The following CPQ variants were observed in gnomAD, a reference collection of about 807,000 sequenced individuals.
CPQ encodes Ser-Met dipeptidase.
CPQ carries 37 observed loss-of-function variants against 45.7 expected under a neutral mutation model. That is an observed-to-expected ratio of 0.81 (90% CI 0.62 to 1.07). The LOEUF (loss-of-function observed/expected upper bound fraction) is 1.07, where lower values mean the gene tolerates loss of function less well. CPQ is among the 50% of genes least tolerant of loss of function. The pLI, the probability that CPQ is intolerant of heterozygous loss-of-function variation, is 0.00. For synonymous variants in CPQ, 186 were observed against 205.8 expected (o/e 0.90, Z 0.82); for missense variants, 537 against 572.9 (o/e 0.94, Z 0.64).
chr8:96,708,560 T>A (rs566319108), intron 1 of CPQ, among the ~76,000 whole-genome samples: 1 of 152,222 alleles, frequency 6.6e-6, no homozygotes, highest in East Asian at 1.9e-4. Context: ...AGGACTGATA[T>A]GATATCTGCT....
intron 5 of CPQ, among the ~76,000 whole-genome samples, chr8:96,999,258 G>A (rs944762788): frequency 6.7e-6 from 1 of 149,966 alleles, no homozygotes; most frequent in Non-Finnish European, 1.5e-5. Context: ...TTTATTTTAA[G>A]GTCAGTGGTA....
intron 7 of CPQ, among the ~76,000 whole-genome samples, chr8:97,113,112 C>T (rs544184321): frequency 4.6e-5 from 7 of 152,172 alleles, no homozygotes; most frequent in East Asian, 3.9e-4. Flanking sequence ...GAGAAGACTG[C>T]GGGGCCATCA....
chr8:96,894,413 C>A (rs1476625448), intron 4 of CPQ, among the ~76,000 whole-genome samples: 1 of 152,034 alleles, frequency 6.6e-6, no homozygotes, highest in African/African-American at 2.4e-5. Flanking sequence ...TAAAATGTGA[C>A]AAATATGAGT....
chr8:97,048,392 G>A (rs1285838349), intron 6 of CPQ, among the ~76,000 whole-genome samples: 1 of 152,190 alleles, frequency 6.6e-6, no homozygotes, highest in East Asian at 1.9e-4. Context: ...GAGATGGGAT[G>A]AATTCTGAAT....
chr8:96,710,790 C>T (rs1282540263), intron 1 of CPQ, among the ~76,000 whole-genome samples: 2 of 152,080 alleles, frequency 1.3e-5, no homozygotes, highest in African/African-American at 4.8e-5. Context: ...GGAGAATGTT[C>T]CATGTGTTAA....
At chr8:97,091,788 G>T (rs1050494015) in intron 7 of CPQ, among the ~76,000 whole-genome samples, 6 of 151,984 alleles carry the variant, frequency 3.9e-5, no homozygotes, top group Non-Finnish European at 5.9e-5. Flanking sequence ...AAATTATAAG[G>T]AAGACCAAAG....
At chr8:97,016,185 A>G (rs1586495635) in intron 5 of CPQ, among the ~76,000 whole-genome samples, 1 of 152,322 alleles carries the variant, frequency 6.6e-6, no homozygotes. Context: ...TGACCATTAC[A>G]TATTTATTTA....
chr8:96,871,418 A>G (rs1812065209), intron 3 of CPQ, among the ~76,000 whole-genome samples: 1 of 152,016 alleles, frequency 6.6e-6, no homozygotes, highest in Non-Finnish European at 1.5e-5. Flanking sequence ...TGTAACGCAA[A>G]AACATTTCAG....
intron 6 of CPQ, among the ~76,000 whole-genome samples, chr8:97,043,251 T>G (rs1168612948): frequency 6.6e-6 from 1 of 151,934 alleles, no homozygotes; most frequent in East Asian, 1.9e-4. Context: ...TGGCCTTCTT[T>G]GTCTCTTTTG....
At chr8:96,809,343 T>C (rs899892192) in intron 2 of CPQ, among the ~76,000 whole-genome samples, 3 of 152,186 alleles carry the variant, frequency 2.0e-5, no homozygotes, top group African/African-American at 4.8e-5. Context: ...ATTTCTTATG[T>C]TGATCACCTG....
At position 96,784,939 on chromosome 8, in the gene CPQ, T is replaced by G. The variant is rs746048796; in HGVS notation, c.42T>G (p.Leu14=). The G allele has an allele frequency of 6.2e-7, 1 of 1,613,606 alleles. No homozygotes were observed. The highest frequency in any genetic ancestry group is 8.5e-7 in the Non-Finnish European group (1 of 1,179,676). Residue 14 remains leucine, a synonymous_variant, in exon 2 of 8, where the codon CTT becomes CTG. Transcript: ENST00000220763. ...LIFAFFGGVH[L]LSLCSGKAIC... ...TCGCATTTTTCGGTGGTGTTCACCTTTTATCCCTGTGCTCTGGGAAAGCTA... is the reference window on the plus strand; with the variant it reads ...TCGCATTTTTCGGTGGTGTTCACCTGTTATCCCTGTGCTCTGGGAAAGCTA...
At chr8:96,857,728 C>T (rs1173170020) in intron 3 of CPQ, among the ~76,000 whole-genome samples, 2 of 152,116 alleles carry the variant, frequency 1.3e-5, no homozygotes, top group Non-Finnish European at 2.9e-5. Flanking sequence ...TTTCTTGTTA[C>T]TTTTCTTGTC....
intron 7 of CPQ, among the ~76,000 whole-genome samples, chr8:97,091,028 G>A (rs571502027): frequency 6.6e-5 from 10 of 152,252 alleles, no homozygotes; most frequent in Middle Eastern, 3.4e-3. Flanking sequence ...TCATGTCATG[G>A]GGACCCACGA....
At chr8:96,705,779 G>A (rs1020749639) in intron 1 of CPQ, among the ~76,000 whole-genome samples, 6 of 151,878 alleles carry the variant, frequency 4.0e-5, no homozygotes, top group Admixed American at 3.3e-4. Context: ...GAATCCCAGG[G>A]CATGTTTCAT....
In CPQ at chr8:96,892,420, G is replaced by A. The variant is rs371083578; in HGVS notation, c.849+12415G>A. Among the ~76,000 whole-genome samples, 46 of 152,232 alleles carry A rather than the reference G, an allele frequency of 3.0e-4. 2 individuals carry two copies. In the South Asian group the frequency reaches 8.7e-3, roughly 29 times the overall value. ...GGTGGGAGCCTTTTTACTAGCTTAA[G>A]CAGCTGTTTAAACTTTCATAAGCAA... On this transcript the variant is annotated intron_variant, in intron 4 of 7. Coordinates refer to ENST00000220763, the MANE Select transcript of CPQ (RefSeq NM_016134.4).
intron 4 of CPQ, among the ~76,000 whole-genome samples, chr8:96,908,142 GTC>G (rs1554577031): frequency 1.5e-3 from 223 of 146,732 alleles, no homozygotes; most frequent in African/African-American, 5.4e-3. Context: ...GTGTGTGTGT[GTC>G]TGTGTGTGTG....
At chr8:96,911,361 G>T (rs370815729) in intron 4 of CPQ, among the ~76,000 whole-genome samples, 4 of 152,214 alleles carry the variant, frequency 2.6e-5, no homozygotes, top group African/African-American at 9.6e-5. Context: ...GAAGGGTCAG[G>T]CTGGTGCATA....
chr8:96,905,022 A>G (rs1241638466), intron 4 of CPQ, among the ~76,000 whole-genome samples: 1 of 152,132 alleles, frequency 6.6e-6, no homozygotes, highest in Non-Finnish European at 1.5e-5. Context: ...TGCTATAAAG[A>G]ACTACCTGAG....
In CPQ at chr8:96,737,252, C is replaced by CAA. The variant is rs1468523831; in HGVS notation, c.-34-47611_-34-47610insAA. On this transcript the variant is annotated intron_variant, in intron 1 of 7. Coordinates refer to ENST00000220763, the MANE Select transcript of CPQ (RefSeq NM_016134.4). ...AGATACACACACACACACACACACACACAAAAAAAAACTAATAGGATATAT... is the reference window on the plus strand; with the variant it reads ...AGATACACACACACACACACACACACAAACAAAAAAAAACTAATAGGATATAT... 1.5e-3 allele frequency among the ~76,000 whole-genome samples: 190 copies of CAA among 125,800 alleles called. 3 individuals carry two copies. In the East Asian group the frequency reaches 0.016, roughly 10 times the overall value. The allele number at this position is 125,800 out of a possible 152,430, so 82.5% of individuals were successfully genotyped here. A position where few individuals can be genotyped will look rare whatever the true frequency, so the allele number is the denominator to read the frequency against.
Sources: allele counts gnomAD v4.1 joint callset (sites outside exome capture counted in the v4.1 genomes callset), GRCh38; gene constraint gnomAD v4.1.1; transcripts MANE v1.5; gene names NCBI Gene and HGNC (gene_info 2026-07-23, HGNC 2026-07-21).